The following CSPP1 variants were observed in gnomAD, a reference collection of about 807,000 sequenced individuals.
CSPP1 encodes the protein centrosome and spindle pole associated protein 1.
A neutral mutation model predicts 164.4 loss-of-function variants in CSPP1; 126 were observed. That is an observed-to-expected ratio of 0.77 (90% CI 0.66 to 0.89). The LOEUF (loss-of-function observed/expected upper bound fraction) is 0.89. CSPP1 is among the 40% of genes least tolerant of loss of function. CSPP1 has a pLI of 0.00. For missense variants in CSPP1, 1,395 were observed against 1,449.8 expected (o/e 0.96, Z 0.61); for synonymous variants, 472 against 476.7 (o/e 0.99, Z 0.13).
At chr8:67,150,422 G>A (rs1258308367) in intron 18 of CSPP1, among the ~76,000 whole-genome samples, 1 of 148,362 alleles carries the variant, frequency 6.7e-6, no homozygotes. Context: ...TTTTTTTTGT[G>A]AGATGGAGTC....
intron 15 of CSPP1, 93 bp downstream of exon 15, chr8:67,118,914 A>G (rs1586254209): frequency 2.5e-6 from 2 of 809,268 alleles, no homozygotes; most frequent in African/African-American, 3.4e-5. Flanking sequence ...ATTTTAGAGT[A>G]TACTATTTAG....
At chr8:67,098,503 C>T (rs1026640406) in intron 7 of CSPP1, among the ~76,000 whole-genome samples, 1 of 151,776 alleles carries the variant, frequency 6.6e-6, no homozygotes, top group Non-Finnish European at 1.5e-5. Flanking sequence ...TTCCTAAACT[C>T]ATATCATGAA....
At chr8:67,177,893 T>C (rs775977229) in intron 27 of CSPP1, among the ~76,000 whole-genome samples, 167 bp downstream of exon 27, 35 of 152,172 alleles carry the variant, frequency 2.3e-4, no homozygotes, top group African/African-American at 3.6e-4. Flanking sequence ...GTAATATATA[T>C]AGAAAACATA....
intron 20 of CSPP1, 79 bp from the exon 21 acceptor site, chr8:67,158,912 C>T (rs1337634865): frequency 8.6e-7 from 1 of 1,158,904 alleles, no homozygotes; most frequent in African/African-American, 1.6e-5. Flanking sequence ...CTCATTTTAT[C>T]AGATAAATAA....
chr8:67,118,438 A>C, intron 14 of CSPP1, 69 bp downstream of exon 14: 1 of 1,475,948 alleles, frequency 6.8e-7, no homozygotes, highest in South Asian at 1.2e-5. Context: ...TTTTTGTGTA[A>C]ACAAAAAATA....
chr8:67,107,273 C>G (rs1815767858), intron 9 of CSPP1, among the ~76,000 whole-genome samples: 1 of 152,116 alleles, frequency 6.6e-6, no homozygotes, highest in Non-Finnish European at 1.5e-5. Flanking sequence ...GTCTCAAACT[C>G]CTGACCTCAA....
intron 26 of CSPP1, chr8:67,175,662 TCAC>T: frequency 4.6e-6 from 3 of 655,002 alleles, no homozygotes; most frequent in South Asian, 4.5e-5. Context: ...GCCCAGTCAT[TCAC>T]TGTAGCCAGG....
rs141449983 is a variant in CSPP1 at position 67,080,243 on chromosome 8, C to T, written c.199+3662C>T. Among the ~76,000 whole-genome samples the T allele has an allele frequency of 7.4e-3, 1,131 of 152,318 alleles. 5 individuals carry two copies. The highest frequency in any genetic ancestry group is 0.024 in the Middle Eastern group (7 of 294). On this transcript the variant is annotated intron_variant, in intron 3 of 30. Coordinates refer to ENST00000678616, the MANE Select transcript of CSPP1 (RefSeq NM_001382391.1). ...GGAAATGAGGTATTGACTTAAAGCA[C>T]TGTAACATCGTAGTTTGAATAAGTA...
In CSPP1 at chr8:67,159,031, A is replaced by C. The variant is rs372528002; in HGVS notation, c.2432A>C (p.Glu811Ala). ...GAAGAGCATATTCGGTTAGCTGAAGAAAGACAAAAAGAAGCAGAAAGAAAG... is the reference window on the plus strand; with the variant it reads ...GAAGAGCATATTCGGTTAGCTGAAGCAAGACAAAAAGAAGCAGAAAGAAAG... ...KNEEHIRLAE[E>A]RQKEAERKKK... The change falls in exon 21 of 31, where the codon GAA (glutamate) becomes GCA (alanine). Residue 811 changes from glutamate (E) to alanine (A), a missense_variant. Glu to Ala is a moderately radical substitution (Grantham distance 107, BLOSUM62 -1). Transcript: ENST00000678616. The C allele has an allele frequency of 7.4e-6, 12 of 1,612,070 alleles. No homozygotes were observed. Among genetic ancestry groups the C allele is most frequent in the Non-Finnish European group, 1.0e-5 (12 of 1,179,168 alleles).
chr8:67,192,873 C>T (rs768032980), intron 29 of CSPP1, among the ~76,000 whole-genome samples: 2 of 152,192 alleles, frequency 1.3e-5, no homozygotes, highest in Non-Finnish European at 2.9e-5. Flanking sequence ...GTCAGTACCA[C>T]ACTGTCTTGA....
At chr8:67,175,794 GTGCCA>G in intron 26 of CSPP1, among the ~76,000 whole-genome samples, 1 of 152,348 alleles carries the variant, frequency 6.6e-6, no homozygotes, top group South Asian at 2.1e-4. Context: ...TTTGCCTACT[GTGCCA>G]TGTCAGGCAT....
chr8:67,160,828 A>T (rs905432823), intron 21 of CSPP1, among the ~76,000 whole-genome samples: 4 of 151,048 alleles, frequency 2.6e-5, no homozygotes, highest in African/African-American at 9.7e-5. Context: ...ATTTTTATTT[A>T]TTTATTTATT....
chr8:67,116,104 G>A lies in CSPP1; in HGVS notation c.1478G>A (p.Gly493Asp). The A allele has an allele frequency of 6.2e-7, 1 of 1,613,438 alleles. No homozygotes were observed. The highest frequency in any genetic ancestry group is 8.5e-7 in the Non-Finnish European group (1 of 1,179,412). ...DLRSGLSSAL[G>D]EMVSPRIAPL... is the part of the protein sequence containing the mutation. Reference sequence around the variant, plus strand: ...CGCAGTGGACTCAGCAGCGCCCTTGGTGAAATGGTGTCTCCCAGGTGCTTG... The same window carrying A: ...CGCAGTGGACTCAGCAGCGCCCTTGATGAAATGGTGTCTCCCAGGTGCTTG... The change falls in exon 13 of 31, where the codon GGT (glycine) becomes GAT (aspartate). Residue 493 changes from glycine (G) to aspartate (D), a missense_variant. Transcript: ENST00000678616.
intron 16 of CSPP1, chr8:67,135,192 G>A (rs546400680): frequency 2.0e-4 from 31 of 152,266 alleles, no homozygotes; most frequent in African/African-American, 7.2e-4. Context: ...TTGAGACAAA[G>A]TCGCACTCTG....
intron 30 of CSPP1, among the ~76,000 whole-genome samples, chr8:67,193,971 G>A (rs923159529): frequency 6.6e-6 from 1 of 152,186 alleles, no homozygotes; most frequent in East Asian, 1.9e-4. Context: ...TAACACTTAT[G>A]CTGTATATTT....
chr8:67,179,827 C>T (rs1832590317), intron 27 of CSPP1, 36 bp from the exon 28 acceptor site: 6 of 1,439,606 alleles, frequency 4.2e-6, no homozygotes, highest in Non-Finnish European at 5.8e-6. Flanking sequence ...GTACACAAAA[C>T]TAATAAAAAT....
In CSPP1 at chr8:67,116,136, T is replaced by C. The variant is rs1817878786; in HGVS notation, c.1496+14T>C. 2 of 1,593,042 alleles carry C rather than the reference T, an allele frequency of 1.3e-6. No individual in the cohort carries two copies. The highest frequency in any genetic ancestry group is 1.7e-6 in the Non-Finnish European group (2 of 1,160,844). ...GGTGTCTCCCAGGTGCTTGTTTAAA[T>C]GTTTTGTGTTTGGGAATTAGGTAAG... On this transcript the variant is annotated intron_variant, in intron 13 of 30. Coordinates refer to ENST00000678616, the MANE Select transcript of CSPP1 (RefSeq NM_001382391.1).
intron 24 of CSPP1, among the ~76,000 whole-genome samples, chr8:67,166,811 A>C (rs1377648074): frequency 6.6e-6 from 1 of 151,870 alleles, no homozygotes; most frequent in Non-Finnish European, 1.5e-5. Flanking sequence ...AGTGGAGGGA[A>C]GGTCAGCAGA....
At chr8:67,111,124 A>C (rs1315355490) in intron 9 of CSPP1, among the ~76,000 whole-genome samples, 1 of 152,174 alleles carries the variant, frequency 6.6e-6, no homozygotes, top group Non-Finnish European at 1.5e-5. Flanking sequence ...TTTCAATTGC[A>C]TTCTTGATAC....
Sources: allele counts gnomAD v4.1 joint callset (sites outside exome capture counted in the v4.1 genomes callset), GRCh38; gene constraint gnomAD v4.1.1; transcripts MANE v1.5; gene names NCBI Gene and HGNC (gene_info 2026-07-23, HGNC 2026-07-21).